Variants in COL4A3 observed in about 807,000 individuals in gnomAD.
The protein encoded by COL4A3 is collagen type IV alpha 3 chain, also known as collagen alpha-3(IV) chain.
Under a neutral mutation model 217.4 loss-of-function variants are expected in COL4A3, and 135 were observed. The observed-to-expected ratio is 0.62, with a 90% CI of 0.54 to 0.72. The LOEUF is 0.72. Ranked by LOEUF, COL4A3 falls within the 30% of genes least tolerant of loss-of-function variation. COL4A3 has a pLI of 0.00. For missense variants in COL4A3, 1,868 were observed against 2,119.9 expected, an observed-to-expected ratio of 0.88 and a Z score of 2.33; for synonymous variants, 690 against 736.3, an observed-to-expected ratio of 0.94 and a Z score of 1.02.
chr2:227,309,280 G>A lies in COL4A3; in HGVS notation c.4717G>A (p.Gly1573Ser), dbSNP rs761262391. The change falls in exon 50 of 52, where the codon GGC (glycine) becomes AGC (serine). Residue 1573 changes from glycine to serine, a missense_variant. By Grantham distance (56) the Gly-to-Ser change is moderately conservative. Coordinates refer to ENST00000396578, the MANE Select transcript of COL4A3 (RefSeq NM_000091.5). The part of the protein sequence containing the change: ...QTTDIPPCPH[G>S]WISLWKGFSF... ...CACTGACATTCCTCCATGTCCTCAC[G>A]GCTGGATTTCTCTCTGGAAAGGATT... 13 of 1,613,978 alleles carry A rather than the reference G, an allele frequency of 8.1e-6. No homozygotes were observed. Among genetic ancestry groups the A allele is most frequent in the Admixed American group, 6.7e-5 (4 of 59,992 alleles).
In COL4A3 at chr2:227,240,023, GA is replaced by G. The variant is rs2068929038; in HGVS notation, c.145-114del. The G allele has an allele frequency of 4.2e-6, 4 of 951,000 alleles. No individual in the cohort carries two copies. In the East Asian group the frequency reaches 1.1e-4, roughly 25 times the overall value. The allele number at this position is 951,000 out of a possible 1,614,324, so 58.9% of individuals were successfully genotyped here. A position where few individuals can be genotyped will look rare whatever the true frequency, so the allele number is the denominator to read the frequency against. On this transcript the variant is annotated intron_variant, in intron 2 of 51. Coordinates refer to ENST00000396578, the MANE Select transcript of COL4A3 (RefSeq NM_000091.5). ...CTAATTATGATTTTTTTAATCCAAG[GA>G]AAAAACATGCAAAGAGTCACCATGA...
chr2:227,201,058 A>T (rs1284099231), intron 1 of COL4A3, among the ~76,000 whole-genome samples: 1 of 152,168 alleles, frequency 6.6e-6, no homozygotes, highest in Non-Finnish European at 1.5e-5. Flanking sequence ...GACATGCCTT[A>T]AGTATCTTTA....
chr2:227,236,054 G>A (rs776640697), intron 1 of COL4A3, among the ~76,000 whole-genome samples: 16 of 152,158 alleles, frequency 1.1e-4, no homozygotes, highest in Non-Finnish European at 1.9e-4. Flanking sequence ...GATTGCAGGC[G>A]TGAGCCCCCG....
intron 1 of COL4A3, among the ~76,000 whole-genome samples, chr2:227,172,355 A>G (rs939443290): frequency 6.6e-6 from 1 of 151,958 alleles, no homozygotes; most frequent in African/African-American, 2.4e-5. Flanking sequence ...CTAGCTACCT[A>G]CAGTAACAAA....
At chr2:227,235,634 T>C (rs540534670) in intron 1 of COL4A3, among the ~76,000 whole-genome samples, 1 of 152,220 alleles carries the variant, frequency 6.6e-6, no homozygotes, top group Non-Finnish European at 1.5e-5. Context: ...ATCATTCTTA[T>C]GCCTTTGTGT....
At chr2:227,182,503 G>A (rs1044788961) in intron 1 of COL4A3, among the ~76,000 whole-genome samples, 5 of 152,028 alleles carry the variant, frequency 3.3e-5, no homozygotes, top group Admixed American at 6.5e-5. Flanking sequence ...TCCCAGCAGG[G>A]GATATTTGTG....
intron 1 of COL4A3, among the ~76,000 whole-genome samples, chr2:227,172,081 A>G (rs1213595281): frequency 6.6e-6 from 1 of 152,152 alleles, no homozygotes; most frequent in East Asian, 1.9e-4. Flanking sequence ...TGTCCCTGGA[A>G]GGTCATATAC....
chr2:227,270,052 A>T (rs1158159054), intron 24 of COL4A3, 72 bp downstream of exon 24: 8 of 1,321,066 alleles, frequency 6.1e-6, no homozygotes, highest in Non-Finnish European at 8.6e-6. Context: ...TGGTTGCAAC[A>T]CACTTACCAG....
intron 34 of COL4A3, among the ~76,000 whole-genome samples, chr2:227,287,748 C>T (rs2072425490): frequency 6.6e-6 from 1 of 152,192 alleles, no homozygotes; most frequent in South Asian, 2.1e-4. Context: ...AAAAATACCA[C>T]CTCTTTCAGA....
At chr2:227,299,214 T>C (rs1310852944) in intron 43 of COL4A3, among the ~76,000 whole-genome samples, 4 of 152,104 alleles carry the variant, frequency 2.6e-5, no homozygotes, top group African/African-American at 9.7e-5. Flanking sequence ...GCTAACATGG[T>C]GAAACCCCGT....
chr2:227,309,407 T>G (rs2073651300), intron 50 of COL4A3, 89 bp downstream of exon 50: 1 of 944,136 alleles, frequency 1.1e-6, no homozygotes, highest in Admixed American at 2.0e-5. Flanking sequence ...CCAGGGTCGA[T>G]GCTGCCTGCT....
At position 227,314,581 on chromosome 2, in the gene COL4A3, A is replaced by G. The variant is rs1338818294; in HGVS notation, c.*2711A>G. On this transcript the variant is annotated 3_prime_UTR_variant, in exon 52 of 52. Transcript: ENST00000396578. ...TTTGAACTTGATGGCTAACTTACAAAGATTCTCTATGTATCAAATGTAACT... is the reference window on the plus strand; with the variant it reads ...TTTGAACTTGATGGCTAACTTACAAGGATTCTCTATGTATCAAATGTAACT... The G allele has an allele frequency of 1.3e-5, 2 of 152,562 alleles. No individual in the cohort carries two copies. The highest frequency in any genetic ancestry group is 2.4e-5 in the African/African-American group (1 of 41,434). 9.5% of individuals were successfully genotyped at this position (152,562 alleles called of 1,614,324 possible).
intron 3 of COL4A3, among the ~76,000 whole-genome samples, chr2:227,243,512 G>C (rs973806421): frequency 6.6e-6 from 1 of 152,218 alleles, no homozygotes; most frequent in African/African-American, 2.4e-5. Flanking sequence ...ACACAGCCAT[G>C]CACCCCGGAA....
intron 47 of COL4A3, 21 bp from the exon 48 acceptor site, chr2:227,307,689 T>C: frequency 5.6e-6 from 9 of 1,608,876 alleles, no homozygotes; most frequent in Non-Finnish European, 7.7e-6. Context: ...TGTTGCAACA[T>C]TTAGAATGTG....
chr2:227,231,789 C>T (rs2068420462), intron 1 of COL4A3, among the ~76,000 whole-genome samples: 1 of 152,188 alleles, frequency 6.6e-6, no homozygotes, highest in Non-Finnish European at 1.5e-5. Flanking sequence ...GCCTTGGCCT[C>T]CCAATGTGCT....
chr2:227,282,051 CATTTGAGGTCAGGA>C lies in COL4A3; in HGVS notation c.2489-313_2489-300del, dbSNP rs1354735645. ...CTATGGGAGGCCGAGGTGGGCGGAT[CATTTGAGGTCAGGA>C]GTTTGAGACCAGCCTGGCCAACATG... On this transcript the variant is annotated intron_variant, in intron 31 of 51. Transcript: ENST00000396578. This position sits in a 1 kb window ranked among gnomAD's most constrained non-coding sequence, Gnocchi z 4.4. 2.0e-5 allele frequency among the ~76,000 whole-genome samples: 3 copies of C among 152,094 alleles called. No individual in the cohort carries two copies. Among genetic ancestry groups the C allele is most frequent in the African/African-American group, 7.2e-5 (3 of 41,408 alleles).
In COL4A3 at chr2:227,191,533, C is replaced by T. The variant is rs1025450798; in HGVS notation, c.87+26720C>T. On this transcript the variant is annotated intron_variant, in intron 1 of 51. Coordinates refer to ENST00000396578, the MANE Select transcript of COL4A3 (RefSeq NM_000091.5). The surrounding 1 kb of genome is among the most constrained non-coding windows in gnomAD (Gnocchi z 6.8). ...CTCCCCTGTTGGCCATTCCCCGCATCAAGGATTCAAAGAACCTGCCAAGGG... is the reference window on the plus strand; with the variant it reads ...CTCCCCTGTTGGCCATTCCCCGCATTAAGGATTCAAAGAACCTGCCAAGGG... Among the ~76,000 whole-genome samples, 1 of 152,184 alleles carries T rather than the reference C, an allele frequency of 6.6e-6. No homozygotes were observed. Among genetic ancestry groups the T allele is most frequent in the African/African-American group, 2.4e-5 (1 of 41,442 alleles).
intron 1 of COL4A3, among the ~76,000 whole-genome samples, chr2:227,228,818 G>A (rs539815228): frequency 2.2e-4 from 33 of 152,160 alleles, no homozygotes; most frequent in Non-Finnish European, 4.0e-4. Context: ...GGGATATAAG[G>A]AATTGTGAGA....
intron 9 of COL4A3, among the ~76,000 whole-genome samples, chr2:227,248,885 A>T (rs2069525733): frequency 6.6e-6 from 1 of 152,148 alleles, no homozygotes; most frequent in African/African-American, 2.4e-5. Context: ...GTATCATTTA[A>T]ATCTGTAATT....
Sources: gnomAD v4.1 joint callset for allele counts (sites outside exome capture counted in the v4.1 genomes callset) on GRCh38, gnomAD v4.1.1 for gene constraint, Gnocchi (gnomAD v3.1) non-coding constraint, MANE v1.5 for transcripts, NCBI Gene and HGNC (gene_info 2026-07-23, HGNC 2026-07-21) for gene names.